The following ATL2 variants were observed in gnomAD, a reference collection of about 807,000 sequenced individuals.
ATL2 encodes the protein atlastin GTPase 2.
In ATL2, 31 loss-of-function variants were observed where a neutral mutation model predicts 73.9. The observed-to-expected ratio is 0.42, with a 90% CI of 0.32 to 0.57. ATL2 has a LOEUF of 0.57. ATL2 is among the 20% of genes least tolerant of loss of function. The probability of loss-of-function intolerance (pLI) is 0.14; values close to 1 mark genes in which losing one functional copy is unlikely to be tolerated. For synonymous variants in ATL2, 291 were observed against 237.5 expected, an observed-to-expected ratio of 1.23 and a Z score of -2.07; for missense variants, 738 against 702.6, an observed-to-expected ratio of 1.05 and a Z score of -0.57.
chr2:38,365,819 T>G lies in ATL2; in HGVS notation c.118+11324A>C, dbSNP rs116011354. Among the ~76,000 whole-genome samples, 1,154 of 151,540 alleles carry G rather than the reference T, an allele frequency of 7.6e-3. 21 individuals are homozygous for G. Among genetic ancestry groups the G allele is most frequent in the African/African-American group, 0.026 (1,078 of 41,318 alleles). On this transcript the variant is annotated intron_variant, in intron 1 of 12. Coordinates refer to ENST00000378954, the MANE Select transcript of ATL2 (RefSeq NM_001135673.4). ...AAAATTCGCCAGGTGTGGTGGTGTG[T>G]ACCTAAAATCCCAGTTACTCGGGAG... is the stretch of plus-strand genomic sequence containing the variant.
chr2:38,346,406 A>G (rs796658778), intron 1 of ATL2, among the ~76,000 whole-genome samples: 7 of 152,212 alleles, frequency 4.6e-5, no homozygotes, highest in African/African-American at 1.7e-4. Flanking sequence ...ACTAATGACT[A>G]AAATCCTACA....
intron 1 of ATL2, among the ~76,000 whole-genome samples, chr2:38,351,503 T>C (rs1453519551): frequency 6.6e-5 from 10 of 151,502 alleles, no homozygotes; most frequent in African/African-American, 2.4e-4. Context: ...TTAATTTTTT[T>C]TTTTTTTTGA....
intron 2 of ATL2, among the ~76,000 whole-genome samples, chr2:38,321,143 A>G (rs896406845): frequency 6.6e-6 from 1 of 152,218 alleles, no homozygotes. Flanking sequence ...ACTGCGCTCC[A>G]GCCTGGGCAA....
chr2:38,335,784 G>A (rs1199650744), intron 2 of ATL2, among the ~76,000 whole-genome samples: 1 of 152,188 alleles, frequency 6.6e-6, no homozygotes, highest in East Asian at 1.9e-4. Flanking sequence ...GCTCACGCCT[G>A]TAATCCCAGC....
rs958441983 is a variant in ATL2, at chr2:38,294,419, G to T, written c.*1575C>A. Among the ~76,000 whole-genome samples the T allele has an allele frequency of 6.6e-6, 1 of 152,122 alleles. No individual in the cohort carries two copies. Among genetic ancestry groups the T allele is most frequent in the East Asian group, 1.9e-4 (1 of 5,190 alleles). ...AAACATTAGCCGGGAATGGTGGCAC[G>T]CACCTGTAGTCCCAGCTACTCAGGA... On this transcript the variant is annotated 3_prime_UTR_variant, in exon 13 of 13. Transcript: ENST00000378954.
chr2:38,311,046 T>C (rs984628854), intron 7 of ATL2, among the ~76,000 whole-genome samples: 5 of 152,100 alleles, frequency 3.3e-5, no homozygotes, highest in Middle Eastern at 3.2e-3. Context: ...AAATTATGGC[T>C]GTGACTTATA....
chr2:38,367,392 A>T (rs1393577537), intron 1 of ATL2, among the ~76,000 whole-genome samples: 4 of 151,432 alleles, frequency 2.6e-5, no homozygotes, highest in Non-Finnish European at 4.4e-5. Context: ...TCACGAGGTC[A>T]GGAGATCGAG....
At chr2:38,356,904 T>G (rs1197479966) in intron 1 of ATL2, among the ~76,000 whole-genome samples, 1 of 152,194 alleles carries the variant, frequency 6.6e-6, no homozygotes, top group South Asian at 2.1e-4. Context: ...CTAAAGTCCC[T>G]TTAATTCTAC....
chr2:38,323,725 CAG>C (rs1668452701), intron 2 of ATL2, among the ~76,000 whole-genome samples: 1 of 152,234 alleles, frequency 6.6e-6, no homozygotes, highest in East Asian at 1.9e-4. Context: ...ACGAGACAGA[CAG>C]ACACAGACAG....
chr2:38,358,593 G>A, intron 1 of ATL2: 1 of 291,286 alleles, frequency 3.4e-6, no homozygotes, highest in Non-Finnish European at 7.2e-6. Flanking sequence ...TCAGGAGGCT[G>A]AGGCCGGAGA....
chr2:38,306,536 A>G (rs924609482), intron 9 of ATL2, among the ~76,000 whole-genome samples: 3 of 152,248 alleles, frequency 2.0e-5, no homozygotes, highest in Admixed American at 6.5e-5. Flanking sequence ...ATCATTCATC[A>G]TCACCTAGGG....
chr2:38,377,293 C>T (rs1245780993), upstream of ATL2: 4 of 1,496,340 alleles, frequency 2.7e-6, no homozygotes, highest in Non-Finnish European at 3.6e-6. Flanking sequence ...TCCCCACTGA[C>T]GTCAAACGCC....
rs3755024 is a variant in ATL2 at position 38,318,839 on chromosome 2, A to G, written c.498+46T>C. The G allele has an allele frequency of 2.8e-5, 44 of 1,577,346 alleles. No individual in the cohort carries two copies. The East Asian group carries it at 9.6e-4, about 35-fold the overall frequency. On this transcript the variant is annotated intron_variant, in intron 3 of 12. Transcript: ENST00000378954. ...GTTTTGATTTTTAATACTGGAAAAT[A>G]GCCCAAGAAAGAATACAGGGTAGAA... is the stretch of plus-strand genomic sequence containing the variant.
intron 1 of ATL2, among the ~76,000 whole-genome samples, chr2:38,370,957 C>T (rs982031177): frequency 6.7e-6 from 1 of 148,784 alleles, no homozygotes. Context: ...GCCCCTATCT[C>T]GGGGGGGAAA....
chr2:38,343,227 T>A (rs760701616), intron 2 of ATL2, 41 bp downstream of exon 2: 6 of 1,531,254 alleles, frequency 3.9e-6, no homozygotes, highest in Non-Finnish European at 5.3e-6. Context: ...TGGTTGGTAC[T>A]TTTTTCTTTT....
intron 1 of ATL2, among the ~76,000 whole-genome samples, chr2:38,357,722 C>G (rs1670760658): frequency 6.8e-6 from 1 of 146,760 alleles, no homozygotes; most frequent in Non-Finnish European, 1.5e-5. Flanking sequence ...TTTCCAAGAA[C>G]TACAAGGTTT....
At chr2:38,364,869 T>C (rs376358032) in intron 1 of ATL2, among the ~76,000 whole-genome samples, 1 of 151,594 alleles carries the variant, frequency 6.6e-6, no homozygotes, top group Non-Finnish European at 1.5e-5. Flanking sequence ...ACGGTGAAAC[T>C]CCGTCTCTAC....
At chr2:38,298,094 T>A in intron 12 of ATL2, 50 bp downstream of exon 12, 5 of 1,505,196 alleles carry the variant, frequency 3.3e-6, no homozygotes, top group Non-Finnish European at 3.6e-6. Context: ...GGATGGAAAG[T>A]CACAGGAAAA....
Position 38,294,868 on chromosome 2 carries a change from A to T in ATL2, c.*1126T>A, listed in dbSNP as rs997817239. 17 of 152,278 alleles carry T rather than the reference A, an allele frequency of 1.1e-4. No individual in the cohort carries two copies. The highest frequency in any genetic ancestry group is 1.8e-4 in the Non-Finnish European group (12 of 68,020). The allele number at this position is 152,278 out of a possible 1,614,324, so 9.4% of individuals were successfully genotyped here. A position where few individuals can be genotyped will look rare whatever the true frequency, so the allele number is the denominator to read the frequency against. On this transcript the variant is annotated 3_prime_UTR_variant, in exon 13 of 13. Transcript: ENST00000378954. Reference sequence around the variant, plus strand: ...TACATACTTGAAAAATTCCTTAAAAAAGAATCACAAGTTTCATTTTATATA... The same window carrying T: ...TACATACTTGAAAAATTCCTTAAAATAGAATCACAAGTTTCATTTTATATA...
Sources: gnomAD v4.1 joint callset for allele counts (sites outside exome capture counted in the v4.1 genomes callset) on GRCh38, gnomAD v4.1.1 for gene constraint, MANE v1.5 for transcripts, NCBI Gene and HGNC (gene_info 2026-07-23, HGNC 2026-07-21) for gene names.